RAI14: variants seen among roughly 807,000 people sequenced by gnomAD.
RAI14 encodes the protein ankycorbin.
A neutral mutation model predicts 115.4 loss-of-function variants in RAI14; 45 were observed. The ratio of observed to expected loss-of-function variants is 0.39; its 90% CI spans 0.31 to 0.50. RAI14 has a LOEUF of 0.50. RAI14 is among the 20% of genes least tolerant of loss of function. The pLI is 0.85. For missense variants in RAI14, 939 were observed against 1,131.2 expected, an observed-to-expected ratio of 0.83 and a Z score of 2.44; for synonymous variants, 371 against 415.4, an observed-to-expected ratio of 0.89 and a Z score of 1.30.
At chr5:34,769,066 G>A (rs1749807413) in intron 3 of RAI14, among the ~76,000 whole-genome samples, 1 of 151,520 alleles carries the variant, frequency 6.6e-6, no homozygotes, top group Non-Finnish European at 1.5e-5. Context: ...TCTCCCTCCT[G>A]TTCCTCAGAA....
At chr5:34,766,895 G>A (rs1408645496) in intron 3 of RAI14, among the ~76,000 whole-genome samples, 2 of 152,108 alleles carry the variant, frequency 1.3e-5, no homozygotes, top group East Asian at 1.9e-4. Context: ...TCATGGGTGT[G>A]GCTTCTCCCA....
intron 1 of RAI14, among the ~76,000 whole-genome samples, chr5:34,662,027 G>GTTCCT (rs1742729144): frequency 6.6e-6 from 1 of 152,154 alleles, no homozygotes; most frequent in South Asian, 2.1e-4. Flanking sequence ...GGGCTCAGAA[G>GTTCCT]GTCCTCCTGC....
chr5:34,687,689 G>A, intron 2 of RAI14: 1 of 1,551,566 alleles, frequency 6.4e-7, no homozygotes, highest in Non-Finnish European at 8.7e-7. Flanking sequence ...TGGAGTGGGA[G>A]AAATTAATGG....
intron 2 of RAI14, among the ~76,000 whole-genome samples, chr5:34,738,055 C>G (rs550093781): frequency 6.6e-6 from 1 of 152,206 alleles, no homozygotes; most frequent in South Asian, 2.1e-4. Context: ...TCTGTCTGCT[C>G]ATATTTATAG....
intron 2 of RAI14, among the ~76,000 whole-genome samples, chr5:34,711,430 C>T (rs1345153184): frequency 6.6e-6 from 1 of 152,146 alleles, no homozygotes; most frequent in East Asian, 1.9e-4. Flanking sequence ...GTACATTGAT[C>T]AGTGAGGGTG....
chr5:34,688,221 C>T (rs1446335326), intron 2 of RAI14: 6 of 1,551,330 alleles, frequency 3.9e-6, no homozygotes, highest in Non-Finnish European at 5.2e-6. Flanking sequence ...CTACATATCT[C>T]CCGTGGCTTT....
At chr5:34,740,752 T>C (rs1353323075) in intron 2 of RAI14, among the ~76,000 whole-genome samples, 1 of 152,186 alleles carries the variant, frequency 6.6e-6, no homozygotes. Flanking sequence ...AATGCTGACC[T>C]CTGCCTTTAG....
chr5:34,736,653 T>C (rs1376324043), intron 2 of RAI14, among the ~76,000 whole-genome samples: 1 of 152,140 alleles, frequency 6.6e-6, no homozygotes, highest in Non-Finnish European at 1.5e-5. Context: ...TCCTCCTGCC[T>C]TAGCCTCCCA....
chr5:34,764,795 A>G (rs1427371907), intron 3 of RAI14, among the ~76,000 whole-genome samples: 1 of 152,120 alleles, frequency 6.6e-6, no homozygotes, highest in Non-Finnish European at 1.5e-5. Context: ...TGTGGTGCAA[A>G]ATTGATGAGA....
rs1298596835 is a variant in RAI14, at chr5:34,664,467, C to A, written c.-49+7992C>A. On this transcript the variant is annotated intron_variant, in intron 1 of 17. Transcript: ENST00000265109. Reference sequence around the variant, plus strand: ...AATTGACATTTAGTGAACACCAAAGCTTATTATCAAGGAACCAGTTTCCCT... The same window carrying A: ...AATTGACATTTAGTGAACACCAAAGATTATTATCAAGGAACCAGTTTCCCT... Among the ~76,000 whole-genome samples, 4 of 150,114 alleles carry A rather than the reference C, an allele frequency of 2.7e-5. No individual in the cohort carries two copies. The East Asian group carries it at 7.8e-4, about 29-fold the overall frequency.
At chr5:34,781,278 G>A (rs1231695377) in intron 3 of RAI14, among the ~76,000 whole-genome samples, 2 of 151,586 alleles carry the variant, frequency 1.3e-5, no homozygotes, top group African/African-American at 2.4e-5. Context: ...TGTAAATGAC[G>A]AGTTAATGGG....
At chr5:34,741,676 G>C (rs1488146066) in intron 2 of RAI14, among the ~76,000 whole-genome samples, 1 of 152,172 alleles carries the variant, frequency 6.6e-6, no homozygotes. Flanking sequence ...TTTGAAACTG[G>C]ATTAAGAAAA....
intron 8 of RAI14, 108 bp from the exon 9 acceptor site, chr5:34,811,659 G>T: frequency 2.1e-6 from 2 of 969,402 alleles, no homozygotes; most frequent in Non-Finnish European, 1.5e-6. Context: ...TGTAATAAAG[G>T]TTTAACTGCA....
At chr5:34,678,833 C>T (rs1469074457) in intron 1 of RAI14, among the ~76,000 whole-genome samples, 1 of 152,210 alleles carries the variant, frequency 6.6e-6, no homozygotes, top group Non-Finnish European at 1.5e-5. Context: ...GTTGCTTCTC[C>T]ACCAGGGAAT....
At chr5:34,742,888 T>C (rs1456826184) in intron 2 of RAI14, among the ~76,000 whole-genome samples, 1 of 152,154 alleles carries the variant, frequency 6.6e-6, no homozygotes, top group Admixed American at 6.5e-5. Flanking sequence ...GGTCTTGAAC[T>C]CCTGACCTCG....
intron 3 of RAI14, among the ~76,000 whole-genome samples, chr5:34,786,906 A>G (rs1752363443): frequency 6.6e-6 from 1 of 152,174 alleles, no homozygotes; most frequent in South Asian, 2.1e-4. Context: ...TATTGACAGC[A>G]AGCTAGTCAT....
intron 4 of RAI14, among the ~76,000 whole-genome samples, chr5:34,800,885 C>T (rs948944056): frequency 2.4e-4 from 37 of 152,268 alleles, no homozygotes; most frequent in East Asian, 7.7e-4. Flanking sequence ...ATTGCGTACA[C>T]GACATAAACG....
chr5:34,780,285 G>C (rs1053919438), intron 3 of RAI14, among the ~76,000 whole-genome samples: 2 of 152,192 alleles, frequency 1.3e-5, no homozygotes, highest in African/African-American at 2.4e-5. Context: ...AGAAAACCTA[G>C]GCAATACCAT....
chr5:34,670,026 A>G (rs903433797), intron 1 of RAI14, among the ~76,000 whole-genome samples: 3 of 152,244 alleles, frequency 2.0e-5, no homozygotes, highest in African/African-American at 7.2e-5. Flanking sequence ...TGTGAGAACA[A>G]AGAAATAAAG....
Sources: gnomAD v4.1 joint callset for allele counts (sites outside exome capture counted in the v4.1 genomes callset) on GRCh38, gnomAD v4.1.1 for gene constraint, MANE v1.5 for transcripts, NCBI Gene and HGNC (gene_info 2026-07-23, HGNC 2026-07-21) for gene names.